The following FAM114A2 variants were observed in gnomAD, a reference collection of about 807,000 sequenced individuals.
FAM114A2 encodes family with sequence similarity 114 member A2.
In FAM114A2, 53 loss-of-function variants were observed where a neutral mutation model predicts 58.4. That is an observed-to-expected ratio of 0.91 (90% confidence interval 0.73 to 1.14). The LOEUF (loss-of-function observed/expected upper bound fraction) is 1.14. Among genes scored for constraint, FAM114A2 ranks in the 50% most tolerant of loss-of-function variants. The probability of loss-of-function intolerance (pLI) is 0.00; values close to 1 mark genes in which losing one functional copy is unlikely to be tolerated. For synonymous variants in FAM114A2, 228 were observed against 211.4 expected (o/e 1.08, Z -0.68); for missense variants, 601 against 581.1 (o/e 1.03, Z -0.35).
chr5:154,000,642 C>A (rs2113217200), intron 11 of FAM114A2, among the ~76,000 whole-genome samples: 1 of 152,240 alleles, frequency 6.6e-6, no homozygotes, highest in Non-Finnish European at 1.5e-5. Flanking sequence ...TAAGGGGTTA[C>A]TACTGTATGC....
intron 11 of FAM114A2, among the ~76,000 whole-genome samples, chr5:154,000,332 T>C (rs967790383): frequency 6.6e-6 from 1 of 152,180 alleles, no homozygotes; most frequent in Non-Finnish European, 1.5e-5. Flanking sequence ...ATTTTGTATA[T>C]TTCAAAATAA....
chr5:153,997,720 CT>C, intron 12 of FAM114A2, 82 bp downstream of exon 12: 6 of 867,788 alleles, frequency 6.9e-6, no homozygotes, highest in Non-Finnish European at 9.6e-6. Flanking sequence ...GAATTGTACA[CT>C]TAAAGTGAGC....
At chr5:154,023,784 A>G (rs1197247387) in intron 8 of FAM114A2, among the ~76,000 whole-genome samples, 1 of 152,190 alleles carries the variant, frequency 6.6e-6, no homozygotes. Flanking sequence ...GGAAATAAAA[A>G]AAATTGAAAA....
chr5:154,004,723 T>C (rs1002317024), intron 9 of FAM114A2, among the ~76,000 whole-genome samples: 1 of 91,774 alleles, frequency 1.1e-5, no homozygotes, highest in East Asian at 8.5e-4. Context: ...CATCATCCTC[T>C]TCCCGTCTTC....
At chr5:154,007,299 T>G (rs916060421) in intron 9 of FAM114A2, among the ~76,000 whole-genome samples, 15 of 152,170 alleles carry the variant, frequency 9.9e-5, no homozygotes, top group Non-Finnish European at 2.1e-4. Context: ...ACCTTTGAAC[T>G]TGGCTTCTCC....
At chr5:153,995,949 A>G (rs996298569) in intron 12 of FAM114A2, among the ~76,000 whole-genome samples, 3 of 152,226 alleles carry the variant, frequency 2.0e-5, no homozygotes, top group Admixed American at 2.0e-4. Context: ...ATCAAGGTCT[A>G]TATTTCCATT....
intron 9 of FAM114A2, among the ~76,000 whole-genome samples, chr5:154,004,526 A>G (rs1355599491): frequency 3.3e-5 from 5 of 151,698 alleles, no homozygotes; most frequent in Admixed American, 3.3e-4. Flanking sequence ...CATCACACAT[A>G]CAACAAATAA....
At chr5:154,005,737 TGAAA>T (rs1278556701) in intron 9 of FAM114A2, among the ~76,000 whole-genome samples, 1 of 152,234 alleles carries the variant, frequency 6.6e-6, no homozygotes, top group Non-Finnish European at 1.5e-5. Flanking sequence ...CATTTGCAAG[TGAAA>T]GAGTCCTGGT....
chr5:154,014,696 A>G (rs767973262), intron 8 of FAM114A2, among the ~76,000 whole-genome samples: 7 of 152,156 alleles, frequency 4.6e-5, no homozygotes, highest in Non-Finnish European at 8.8e-5. Flanking sequence ...CTTGCCTCAC[A>G]GGGGTCCTTG....
intron 8 of FAM114A2, among the ~76,000 whole-genome samples, chr5:154,018,225 G>A (rs1771173927): frequency 6.6e-6 from 1 of 152,142 alleles, no homozygotes; most frequent in Non-Finnish European, 1.5e-5. Flanking sequence ...CGAAATGAGA[G>A]ACATTAAAAC....
At chr5:154,024,287 T>C (rs1771635114) in intron 8 of FAM114A2, among the ~76,000 whole-genome samples, 1 of 152,172 alleles carries the variant, frequency 6.6e-6, no homozygotes, top group African/African-American at 2.4e-5. Context: ...GTTTTATACA[T>C]ATACATATAA....
chr5:154,028,827 G>A (rs79229422), intron 5 of FAM114A2, among the ~76,000 whole-genome samples: 2,840 of 152,218 alleles, frequency 0.019, 37 homozygotes, highest in South Asian at 0.031. Flanking sequence ...TGGAAGTCAG[G>A]ATTATGGTTA....
chr5:154,034,589 A>G (rs1772418769), intron 2 of FAM114A2, among the ~76,000 whole-genome samples, 155 bp downstream of exon 2: 1 of 152,238 alleles, frequency 6.6e-6, no homozygotes, highest in Non-Finnish European at 1.5e-5. Context: ...TCATAAAGGC[A>G]TTTATAGAAC....
intron 10 of FAM114A2, 49 bp downstream of exon 10, chr5:154,002,798 A>G: frequency 6.2e-7 from 1 of 1,606,026 alleles, no homozygotes; most frequent in Admixed American, 1.7e-5. Context: ...ATTGTGACAC[A>G]TTTCAAATCT....
intron 8 of FAM114A2, among the ~76,000 whole-genome samples, chr5:154,018,144 T>C (rs1771165053): frequency 6.6e-6 from 1 of 152,104 alleles, no homozygotes; most frequent in African/African-American, 2.4e-5. Context: ...TTTGAAAAGA[T>C]AAATAGAATT....
At chr5:153,996,773 G>A (rs1015099971) in intron 12 of FAM114A2, among the ~76,000 whole-genome samples, 1 of 151,782 alleles carries the variant, frequency 6.6e-6, no homozygotes, top group Admixed American at 6.6e-5. Context: ...AACGCAGGTG[G>A]ATCACCTAAG....
intron 1 of FAM114A2, among the ~76,000 whole-genome samples, chr5:154,036,031 A>AC (rs1299625812): frequency 6.7e-6 from 1 of 149,300 alleles, no homozygotes; most frequent in Non-Finnish European, 1.5e-5. Flanking sequence ...TTCTAATGAG[A>AC]TTTTTTTTTT....
At chr5:154,004,780 GTCTC>G (rs1328877175) in intron 9 of FAM114A2, among the ~76,000 whole-genome samples, 3 of 151,988 alleles carry the variant, frequency 2.0e-5, no homozygotes, top group African/African-American at 4.8e-5. Context: ...TTCATGACTG[GTCTC>G]TCTGCTTCTG....
rs199813281 is a variant in FAM114A2 at position 154,026,438 on chromosome 5, G to C, written c.874C>G (p.Leu292Val). 1.3e-6 allele frequency: 2 copies of C among 1,579,636 alleles called. No individual in the cohort carries two copies. Among genetic ancestry groups the C allele is most frequent in the African/African-American group, 1.4e-5 (1 of 72,956 alleles). The change falls in exon 8 of 14, where the codon CTA (leucine) becomes GTA (valine). Residue 292 changes from leucine (L) to valine (V), a missense_variant. Leu to Val is a conservative substitution (Grantham distance 32, BLOSUM62 1). Coordinates refer to ENST00000351797, the MANE Select transcript of FAM114A2 (RefSeq NM_018691.4). Reference sequence around the variant, plus strand: ...TCCTCTTCTTCACAAAATTCTGCTAGAGAAAATGTTTCTTTGAGTTGCTCT... The same window carrying C: ...TCCTCTTCTTCACAAAATTCTGCTACAGAAAATGTTTCTTTGAGTTGCTCT... Reference protein sequence around the residue: ...ELEQLKETFSLAEFCEEEEEE... With the variant: ...ELEQLKETFSVAEFCEEEEEE...
Sources: allele counts gnomAD v4.1 joint callset (sites outside exome capture counted in the v4.1 genomes callset), GRCh38; gene constraint gnomAD v4.1.1; transcripts MANE v1.5; gene names NCBI Gene and HGNC (gene_info 2026-07-23, HGNC 2026-07-21).